Variants in NUDC observed in about 807,000 individuals in gnomAD.
NUDC encodes nuclear distribution C, dynein complex regulator.
Under a neutral mutation model 45.0 loss-of-function variants are expected in NUDC, and 14 were observed. The ratio of observed to expected loss-of-function variants is 0.31; its 90% confidence interval spans 0.21 to 0.49. The LOEUF (loss-of-function observed/expected upper bound fraction) is 0.49. Ranked by LOEUF, NUDC falls within the 20% of genes least tolerant of loss-of-function variation. The pLI, the probability that NUDC is intolerant of heterozygous loss-of-function variation, is 0.99. For synonymous variants in NUDC, 153 were observed against 156.7 expected (o/e 0.98, Z 0.17); for missense variants, 323 against 426.2 (o/e 0.76, Z 2.13).
intron 1 of NUDC, among the ~76,000 whole-genome samples, chr1:26,901,190 G>T (rs2081976973): frequency 6.6e-6 from 1 of 151,968 alleles, no homozygotes; most frequent in African/African-American, 2.4e-5. Context: ...TTTTTGAGTT[G>T]GGGTCTCGCT....
Position 26,941,537 on chromosome 1 carries a change from G to T in NUDC, c.240G>T (p.Glu80Asp). ...AGAAGAGAGCCCGGCAGGAGGCCGA[G>T]CGGCGGGAGAAGGCGGAGCGGGCGG... ...RREKRARQEA[E>D]RREKAERAAR... Residue 80 changes from glutamate to aspartate, a missense_variant, in exon 3 of 9, where the codon GAG (glutamate) becomes GAT (aspartate). Glu to Asp is a conservative substitution (Grantham distance 45). This residue lies in a region of NUDC where 245 missense variants were observed against 278.8 expected (regional missense o/e 0.88). Transcript: ENST00000321265. 2 of 1,613,166 alleles carry T rather than the reference G, an allele frequency of 1.2e-6. No individual in the cohort carries two copies. The highest frequency in any genetic ancestry group is 1.7e-6 in the Non-Finnish European group (2 of 1,179,710).
chr1:26,905,261 G>A (rs2124051057), intron 2 of NUDC, among the ~76,000 whole-genome samples: 1 of 146,882 alleles, frequency 6.8e-6, no homozygotes, highest in African/African-American at 2.5e-5. Context: ...CCTGGGTTCA[G>A]GCGATTCTCC....
At chr1:26,913,485 A>G (rs984626073) in intron 3 of NUDC, 1 of 1,613,790 alleles carries the variant, frequency 6.2e-7, no homozygotes, top group Non-Finnish European at 8.5e-7. Flanking sequence ...AGGACTCCAG[A>G]CAGCATTGAA....
Position 26,921,847 on chromosome 1 carries a change from C to T in NUDC, c.-2C>T, listed in dbSNP as rs1294814254. On this transcript the variant is annotated 5_prime_UTR_variant, in exon 1 of 9. Transcript: ENST00000321265. Reference sequence around the variant, plus strand: ...TCCGGGACGTGGATCGGAGCCGGCGCGATGGGCGGAGAGCAGGAGGAGGAG... The same window carrying T: ...TCCGGGACGTGGATCGGAGCCGGCGTGATGGGCGGAGAGCAGGAGGAGGAG... The T allele has an allele frequency of 2.6e-6, 4 of 1,552,114 alleles. No individual in the cohort carries two copies. The highest frequency in any genetic ancestry group is 4.1e-4 in the Middle Eastern group (2 of 4,822).
intron 2 of NUDC, among the ~76,000 whole-genome samples, chr1:26,941,161 C>T (rs1439862298): frequency 7.0e-6 from 1 of 143,868 alleles, no homozygotes; most frequent in Admixed American, 7.3e-5. Context: ...ATGGTCTTGA[C>T]CTTGTGATCC....
At chr1:26,934,574 T>C (rs2082211325) in intron 2 of NUDC, among the ~76,000 whole-genome samples, 1 of 152,054 alleles carries the variant, frequency 6.6e-6, no homozygotes, top group Non-Finnish European at 1.5e-5. Context: ...TAAGTCCCAG[T>C]CCAAAGCTCA....
At chr1:26,910,057 G>C (rs1468686989) in intron 2 of NUDC, among the ~76,000 whole-genome samples, 1 of 152,144 alleles carries the variant, frequency 6.6e-6, no homozygotes, top group Admixed American at 6.6e-5. Flanking sequence ...TGCCTACTTA[G>C]GGGGCCACTT....
intron 2 of NUDC, among the ~76,000 whole-genome samples, chr1:26,933,254 A>G (rs1026540250): frequency 7.9e-5 from 12 of 151,120 alleles, no homozygotes; most frequent in African/African-American, 2.4e-5. Context: ...TTTTAAATCT[A>G]TTCTTCTGCT....
At position 26,942,915 on chromosome 1, in the gene NUDC, C is replaced by T; in HGVS notation, c.591C>T (p.Asp197=). 5.0e-6 allele frequency: 8 copies of T among 1,613,956 alleles called. No individual in the cohort carries two copies. Among genetic ancestry groups the T allele is most frequent in the Non-Finnish European group, 5.9e-6 (7 of 1,180,038 alleles). Residue 197 remains aspartate (D), a synonymous_variant, in exon 6 of 9, where the codon GAC becomes GAT. Transcript: ENST00000321265. ...TGAACTTCCGGCTGAAAGGGAAGGA[C>T]ATGGTGGTGGACATCCAGCGGCGGC... is the stretch of plus-strand genomic sequence containing the variant. ...FCVNFRLKGK[D]MVVDIQRRHL... is the part of the protein sequence containing the mutation.
At chr1:26,900,800 T>A (rs2081975006) in intron 1 of NUDC, among the ~76,000 whole-genome samples, 1 of 152,150 alleles carries the variant, frequency 6.6e-6, no homozygotes, top group East Asian at 1.9e-4. Context: ...CATTTATTTT[T>A]CCAAAATGTG....
At position 26,944,247 on chromosome 1, in the gene NUDC, C is replaced by T. The variant is rs547981474; in HGVS notation, c.742-1143C>T. On this transcript the variant is annotated intron_variant, in intron 6 of 8. Transcript: ENST00000321265. ...ATTTTTTGAGACAGGGTCTTGTTCT[C>T]ACCCAGGCTGGAATGCAGTGGCGCA... is the stretch of plus-strand genomic sequence containing the variant. 9.1e-4 allele frequency among the ~76,000 whole-genome samples: 139 copies of T among 152,122 alleles called. 1 individual carries two copies. Among genetic ancestry groups the T allele is most frequent in the African/African-American group, 3.1e-3 (128 of 41,524 alleles).
chr1:26,934,012 G>A (rs551274576), intron 2 of NUDC, among the ~76,000 whole-genome samples: 7 of 152,322 alleles, frequency 4.6e-5, no homozygotes, highest in African/African-American at 1.7e-4. Context: ...AATTAGCTGG[G>A]TGTGGTGGCG....
chr1:26,938,062 G>A (rs1419151431), intron 2 of NUDC, among the ~76,000 whole-genome samples: 2 of 152,218 alleles, frequency 1.3e-5, no homozygotes, highest in South Asian at 2.1e-4. Flanking sequence ...TCTTCTGGGG[G>A]AGAGTGACAG....
chr1:26,925,763 C>A (rs2082127040), intron 2 of NUDC, among the ~76,000 whole-genome samples: 1 of 146,784 alleles, frequency 6.8e-6, no homozygotes, highest in Admixed American at 6.8e-5. Context: ...ACTCTGTTGC[C>A]CAGGCTGCAG....
intron 2 of NUDC, among the ~76,000 whole-genome samples, chr1:26,929,168 A>C (rs1359334906): frequency 6.6e-6 from 1 of 152,254 alleles, no homozygotes; most frequent in East Asian, 1.9e-4. Context: ...CAAAAGGACA[A>C]ATACAGTTGA....
At chr1:26,918,474 C>G (rs2082073229), upstream of NUDC, among the ~76,000 whole-genome samples, 1 of 151,848 alleles carries the variant, frequency 6.6e-6, no homozygotes, top group South Asian at 2.1e-4. Flanking sequence ...TGGGGTTTTA[C>G]CATTTTGGCC....
intron 2 of NUDC, among the ~76,000 whole-genome samples, chr1:26,938,964 GA>G (rs982759855): frequency 1.3e-5 from 2 of 152,162 alleles, no homozygotes; most frequent in African/African-American, 4.8e-5. Context: ...TGAGAATGGG[GA>G]TGAGACATTC....
chr1:26,900,371 C>G, exon 1 of NUDC: 1 of 1,614,020 alleles, frequency 6.2e-7, no homozygotes. Flanking sequence ...GGGCCGAGCG[C>G]AACACGGAGG....
intron 2 of NUDC, among the ~76,000 whole-genome samples, chr1:26,934,879 G>A (rs1161862180): frequency 2.6e-5 from 4 of 152,038 alleles, no homozygotes; most frequent in Non-Finnish European, 4.4e-5. Flanking sequence ...GGATGGTCTC[G>A]ATCTCCTGGC....
Sources: allele counts gnomAD v4.1 joint callset (sites outside exome capture counted in the v4.1 genomes callset), GRCh38; gene constraint gnomAD v4.1.1; regional missense constraint gnomAD v4.1.1; transcripts MANE v1.5; gene names NCBI Gene and HGNC (gene_info 2026-07-23, HGNC 2026-07-21).